Variants in CDKAL1 observed in about 807,000 individuals in gnomAD.
The protein encoded by CDKAL1 is CDKAL1 threonylcarbamoyladenosine tRNA methylthiotransferase, also known as threonylcarbamoyladenosine tRNA methylthiotransferase.
In CDKAL1, 32 loss-of-function variants were observed where a neutral mutation model predicts 68.2. The observed-to-expected ratio is 0.47, with a 90% CI of 0.35 to 0.63. The LOEUF (loss-of-function observed/expected upper bound fraction) is 0.63. Ranked by LOEUF, CDKAL1 falls within the 30% of genes least tolerant of loss-of-function variation. The probability of loss-of-function intolerance (pLI) is 0.00; values close to 1 mark genes in which losing one functional copy is unlikely to be tolerated. For synonymous variants in CDKAL1, 234 were observed against 244.3 expected (o/e 0.96, Z 0.39); for missense variants, 606 against 696.7 (o/e 0.87, Z 1.47).
intron 11 of CDKAL1, among the ~76,000 whole-genome samples, chr6:21,064,842 T>A (rs188336634): frequency 1.4e-4 from 21 of 152,204 alleles, no homozygotes; most frequent in Non-Finnish European, 2.6e-4. Context: ...TAAAAGAATT[T>A]AAGATGGGTT....
chr6:20,809,404 AG>A (rs1776700340), intron 8 of CDKAL1, among the ~76,000 whole-genome samples: 1 of 152,206 alleles, frequency 6.6e-6, no homozygotes, highest in Non-Finnish European at 1.5e-5. Context: ...AAGTACAACA[AG>A]CTGATTAGGT....
At chr6:20,898,794 T>G in intron 9 of CDKAL1, among the ~76,000 whole-genome samples, 1 of 152,220 alleles carries the variant, frequency 6.6e-6, no homozygotes, top group Middle Eastern at 3.4e-3. Flanking sequence ...TAAAATAATT[T>G]TATGATTAAA....
intron 10 of CDKAL1, among the ~76,000 whole-genome samples, chr6:20,977,819 A>G (rs1765914509): frequency 6.6e-6 from 1 of 152,190 alleles, no homozygotes; most frequent in Non-Finnish European, 1.5e-5. Flanking sequence ...CGGAGGCTGC[A>G]GTGAGCTGGA....
At chr6:20,820,007 C>A (rs191329496) in intron 8 of CDKAL1, among the ~76,000 whole-genome samples, 1 of 152,260 alleles carries the variant, frequency 6.6e-6, no homozygotes, top group Admixed American at 6.5e-5. Context: ...GTCTAGAACT[C>A]CTATAGGCTT....
chr6:20,647,191 A>G (rs1466480979), intron 4 of CDKAL1, among the ~76,000 whole-genome samples: 1 of 152,230 alleles, frequency 6.6e-6, no homozygotes, highest in Non-Finnish European at 1.5e-5. Context: ...TTCAGCAAAT[A>G]TTTAAGGAGT....
intron 2 of CDKAL1, among the ~76,000 whole-genome samples, chr6:20,545,924 G>A (rs1763583190): frequency 6.6e-6 from 1 of 152,188 alleles, no homozygotes; most frequent in East Asian, 1.9e-4. Flanking sequence ...CTAATATCCA[G>A]CTTATATTCT....
At chr6:20,762,711 T>A (rs1429951567) in intron 7 of CDKAL1, among the ~76,000 whole-genome samples, 1 of 152,200 alleles carries the variant, frequency 6.6e-6, no homozygotes, top group Non-Finnish European at 1.5e-5. Context: ...ATTAAGGCAT[T>A]AGTTCATGTT....
chr6:20,980,431 G>A (rs1010318693), intron 10 of CDKAL1, among the ~76,000 whole-genome samples: 4 of 151,930 alleles, frequency 2.6e-5, no homozygotes, highest in African/African-American at 9.7e-5. Flanking sequence ...TAGAGACAGG[G>A]TTTCACCGTG....
chr6:20,653,319 G>A (rs2328545), intron 5 of CDKAL1, among the ~76,000 whole-genome samples: 2 of 152,114 alleles, frequency 1.3e-5, no homozygotes, highest in Non-Finnish European at 2.9e-5. Context: ...GGATGTAGTA[G>A]TGTGCATTCT....
rs145681059 is a variant in CDKAL1 at position 21,130,821 on chromosome 6, A to T, written c.1299+22358A>T. On this transcript the variant is annotated intron_variant, in intron 13 of 15. Transcript: ENST00000274695. ...TCCACAGCCATCGCCCAAAGAGTAC[A>T]GTGGCTAGGGTTGGGGCAGCAAGGT... Among the ~76,000 whole-genome samples the T allele has an allele frequency of 7.4e-4, 113 of 152,302 alleles. 1 individual carries two copies. Among genetic ancestry groups the T allele is most frequent in the African/African-American group, 2.6e-3 (108 of 41,566 alleles).
At chr6:21,045,245 T>C (rs1444150049) in intron 11 of CDKAL1, among the ~76,000 whole-genome samples, 2 of 152,112 alleles carry the variant, frequency 1.3e-5, no homozygotes, top group Non-Finnish European at 2.9e-5. Flanking sequence ...CAGGAATACT[T>C]TGGTTTGCCA....
intron 12 of CDKAL1, among the ~76,000 whole-genome samples, chr6:21,073,173 C>G (rs1354606677): frequency 6.6e-6 from 1 of 152,116 alleles, no homozygotes; most frequent in Non-Finnish European, 1.5e-5. Flanking sequence ...TTTATTTTAG[C>G]ACTGAATAAT....
At position 20,586,048 on chromosome 6, in the gene CDKAL1, A is replaced by G. The variant is rs537839848; in HGVS notation, c.286+37343A>G. Among the ~76,000 whole-genome samples the G allele has an allele frequency of 9.8e-5, 15 of 152,328 alleles. No individual in the cohort carries two copies. The South Asian group carries it at 3.1e-3, about 32-fold the overall frequency. ...GCTTGAGCCAAAGACTTTGGAGTCA[A>G]GGATAACTACTTGTTTCCACATCAC... On this transcript the variant is annotated intron_variant, in intron 4 of 15. Transcript: ENST00000274695.
intron 13 of CDKAL1, among the ~76,000 whole-genome samples, chr6:21,130,078 G>T (rs1261247344): frequency 4.6e-5 from 7 of 151,780 alleles, no homozygotes; most frequent in Admixed American, 2.0e-4. Context: ...GTTTTGGGGG[G>T]TTTTTTGTCA....
intron 11 of CDKAL1, among the ~76,000 whole-genome samples, chr6:21,008,356 A>G (rs1767839710): frequency 6.6e-6 from 1 of 152,210 alleles, no homozygotes; most frequent in Non-Finnish European, 1.5e-5. Context: ...TATTTCAGTA[A>G]TAATGGGAAA....
intron 13 of CDKAL1, among the ~76,000 whole-genome samples, chr6:21,159,182 A>G (rs1016094687): frequency 1.3e-5 from 2 of 151,750 alleles, no homozygotes; most frequent in Non-Finnish European, 2.9e-5. Context: ...TTCTTGAAAA[A>G]TGAGTGTAAT....
chr6:21,152,565 T>C (rs1776463243), intron 13 of CDKAL1, among the ~76,000 whole-genome samples: 1 of 152,236 alleles, frequency 6.6e-6, no homozygotes, highest in East Asian at 1.9e-4. Flanking sequence ...CAATGAGTGC[T>C]AATGACAGCC....
chr6:20,540,671 A>G (rs771265789), intron 2 of CDKAL1, among the ~76,000 whole-genome samples: 3 of 151,276 alleles, frequency 2.0e-5, no homozygotes, highest in Non-Finnish European at 2.9e-5. Flanking sequence ...GGCCAGGCTG[A>G]CCTCCAACTC....
At chr6:21,176,689 T>C (rs914643313) in intron 13 of CDKAL1, among the ~76,000 whole-genome samples, 1 of 135,438 alleles carries the variant, frequency 7.4e-6, no homozygotes, top group Non-Finnish European at 1.6e-5. Context: ...TTGGTTTTTT[T>C]TTTTTTGTTT....
Sources: gnomAD v4.1 joint callset for allele counts (sites outside exome capture counted in the v4.1 genomes callset) on GRCh38, gnomAD v4.1.1 for gene constraint, MANE v1.5 for transcripts, NCBI Gene and HGNC (gene_info 2026-07-23, HGNC 2026-07-21) for gene names.